GPRC5B: variants seen among roughly 807,000 people sequenced by gnomAD.
GPRC5B encodes G protein-coupled receptor family C group 5 member B.
GPRC5B carries 16 observed loss-of-function variants against 30.1 expected under a neutral mutation model. The ratio of observed to expected loss-of-function variants is 0.53; its 90% confidence interval spans 0.36 to 0.81. The LOEUF is 0.81. GPRC5B is among the 30% of genes least tolerant of loss of function. The probability of loss-of-function intolerance (pLI) is 0.01; values close to 1 mark genes in which losing one functional copy is unlikely to be tolerated. For synonymous variants in GPRC5B, 241 were observed against 239.5 expected, an observed-to-expected ratio of 1.01 and a Z score of -0.06; for missense variants, 428 against 544.7, an observed-to-expected ratio of 0.79 and a Z score of 2.13.
upstream of GPRC5B, chr16:19,884,964 C>A: frequency 1.3e-6 from 1 of 794,284 alleles, no homozygotes; most frequent in Non-Finnish European, 1.5e-6. Flanking sequence ...GGCCTCCGAG[C>A]CCCACCCCCG....
At chr16:19,882,132 C>A (rs1206325400) in intron 1 of GPRC5B, 1 of 152,256 alleles carries the variant, frequency 6.6e-6, no homozygotes, top group African/African-American at 2.4e-5. Flanking sequence ...CAATTCTCAC[C>A]CTCTGATATC....
In GPRC5B at chr16:19,858,572, G is replaced by GT. The variant is rs992411736; in HGVS notation, c.*1927dup. On this transcript the variant is annotated 3_prime_UTR_variant, in exon 4 of 4. Transcript: ENST00000300571. ...TGGCACGAGAATGTGTAATGCTGTC[G>GT]TTTTTTCACCGGACAGGACCGAGGT... 55 of 671,734 alleles carry GT rather than the reference G, an allele frequency of 8.2e-5. No individual in the cohort carries two copies. In the Admixed American group the frequency reaches 1.1e-3, roughly 14 times the overall value. The allele number at this position is 671,734 out of a possible 1,614,324, so 41.6% of individuals were successfully genotyped here.
In GPRC5B at chr16:19,872,105, C is replaced by G. The variant is rs1269959102; in HGVS notation, c.741G>C (p.Trp247Cys). 1 of 1,613,982 alleles carries G rather than the reference C, an allele frequency of 6.2e-7. No homozygotes were observed. Among genetic ancestry groups the G allele is most frequent in the African/African-American group, 1.3e-5 (1 of 74,904 alleles). The change falls in exon 2 of 4, where the codon TGG (tryptophan) becomes TGC (cysteine). Residue 247 changes from tryptophan to cysteine, a missense_variant. By Grantham distance (215) the Trp-to-Cys change is radical. Transcript: ENST00000300571. This position sits in a 1 kb window ranked among gnomAD's most constrained non-coding sequence, Gnocchi z 5.0. Reference protein sequence around the residue: ...LITAFLSVLIWVAWMTMYLFG... With the variant: ...LITAFLSVLICVAWMTMYLFG... ...AGAGGTACATGGTCATCCAGGCCAC[C>G]CAGATGAGCACAGAGAGGAAGGCTG...
intron 2 of GPRC5B, among the ~76,000 whole-genome samples, chr16:19,862,595 A>C (rs1455553971): frequency 6.6e-6 from 1 of 152,150 alleles, no homozygotes; most frequent in Non-Finnish European, 1.5e-5. Context: ...ATGAAAAGAC[A>C]TGGAGGAATC....
intron 2 of GPRC5B, among the ~76,000 whole-genome samples, chr16:19,864,247 T>C (rs566835359): frequency 3.9e-5 from 6 of 152,344 alleles, no homozygotes; most frequent in African/African-American, 1.2e-4. Context: ...CGGGGCCTTC[T>C]AGCAAGAAGC....
chr16:19,871,278 T>C, intron 2 of GPRC5B, among the ~76,000 whole-genome samples: 2 of 41,328 alleles, frequency 4.8e-5, no homozygotes, highest in Admixed American at 2.1e-4. Context: ...CAAGACCCTG[T>C]CTCAAAAAAA....
chr16:19,868,837 A>G (rs555546893), intron 2 of GPRC5B, among the ~76,000 whole-genome samples: 2 of 152,172 alleles, frequency 1.3e-5, no homozygotes, highest in Admixed American at 1.3e-4. Flanking sequence ...CTTGGATAGG[A>G]TAAGCAGCTG....
In GPRC5B at chr16:19,858,143, G is replaced by A. The variant is rs1198163950; in HGVS notation, c.*2357C>T. On this transcript the variant is annotated 3_prime_UTR_variant, in exon 4 of 4. Coordinates refer to ENST00000300571, the MANE Select transcript of GPRC5B (RefSeq NM_016235.3). ...CCACGGGGGGCAGCTGGCTGCTACA[G>A]TCTCTTGGCAAAGATGTCTCTTGAT... The A allele has an allele frequency of 4.8e-6, 1 of 207,552 alleles. No individual in the cohort carries two copies. The highest frequency in any genetic ancestry group is 1.8e-4 in the South Asian group (1 of 5,414). The allele number at this position is 207,552 out of a possible 1,614,324, so 12.9% of individuals were successfully genotyped here.
rs1408164548 is a variant in GPRC5B, at chr16:19,858,402, T to C, written c.*2098A>G. The stretch of plus-strand genomic sequence containing the variant: ...TTCTTATGCTGGGGAAGCACGACTT[T>C]CCATGGCAGCCATTTGTGCTGTGCT... On this transcript the variant is annotated 3_prime_UTR_variant, in exon 4 of 4. Transcript: ENST00000300571. 2 of 498,672 alleles carry C rather than the reference T, an allele frequency of 4.0e-6. No individual in the cohort carries two copies. Among genetic ancestry groups the C allele is most frequent in the African/African-American group, 2.0e-5 (1 of 51,132 alleles). The allele number at this position is 498,672 out of a possible 1,614,324, so 30.9% of individuals were successfully genotyped here. A position where few individuals can be genotyped will look rare whatever the true frequency, so the allele number is the denominator to read the frequency against.
In GPRC5B at chr16:19,884,731, C is replaced by G. The variant is rs1337228451; in HGVS notation, c.-6G>C. ...ATCGGCGCAGCTCGCACTTACCGACCCCCGCGGCCCCGCAGCGCCGACGCT... is the reference window on the plus strand; with the variant it reads ...ATCGGCGCAGCTCGCACTTACCGACGCCCGCGGCCCCGCAGCGCCGACGCT... On this transcript the variant is annotated 5_prime_UTR_variant, in exon 1 of 4. Coordinates refer to ENST00000300571, the MANE Select transcript of GPRC5B (RefSeq NM_016235.3). 5 of 985,066 alleles carry G rather than the reference C, an allele frequency of 5.1e-6. No individual in the cohort carries two copies. Among genetic ancestry groups the G allele is most frequent in the Non-Finnish European group, 6.0e-6 (5 of 829,816 alleles). The allele number at this position is 985,066 out of a possible 1,614,324, so 61.0% of individuals were successfully genotyped here.
intron 2 of GPRC5B, chr16:19,862,218 C>G: frequency 2.2e-6 from 1 of 455,914 alleles, no homozygotes; most frequent in Non-Finnish European, 3.9e-6. Flanking sequence ...GAAGGAGGCC[C>G]ATGGTTGGGC....
At chr16:19,870,745 G>T (rs567948721) in intron 2 of GPRC5B, among the ~76,000 whole-genome samples, 11 of 152,304 alleles carry the variant, frequency 7.2e-5, no homozygotes, top group African/African-American at 2.4e-4. Context: ...TGGGTCAGGT[G>T]CAATAGAGAG....
At chr16:19,880,158 T>G (rs2056793182) in intron 1 of GPRC5B, among the ~76,000 whole-genome samples, 1 of 150,452 alleles carries the variant, frequency 6.6e-6, no homozygotes, top group Admixed American at 6.6e-5. Context: ...TAAAATAAAA[T>G]AAATAATAAT....
rs143438202 is a variant in GPRC5B at position 19,866,083 on chromosome 16, C to T, written c.1031-4110G>A. Reference sequence around the variant, plus strand: ...CTGGGATTACAGGCATGCGCCACCACGCCCGGCTAATTTTTTTGTACTTCT... The same window carrying T: ...CTGGGATTACAGGCATGCGCCACCATGCCCGGCTAATTTTTTTGTACTTCT... On this transcript the variant is annotated intron_variant, in intron 2 of 3. Coordinates refer to ENST00000300571, the MANE Select transcript of GPRC5B (RefSeq NM_016235.3). 1.3e-4 allele frequency among the ~76,000 whole-genome samples: 19 copies of T among 151,984 alleles called. No homozygotes were observed. In the South Asian group the frequency reaches 3.8e-3, roughly 30 times the overall value.
chr16:19,860,119 A>C lies in GPRC5B; in HGVS notation c.*381T>G. The C allele has an allele frequency of 5.2e-6, 1 of 192,266 alleles. No homozygotes were observed. Among genetic ancestry groups the C allele is most frequent in the Non-Finnish European group, 1.1e-5 (1 of 94,684 alleles). 11.9% of individuals were successfully genotyped at this position (192,266 alleles called of 1,614,324 possible). Reference sequence around the variant, plus strand: ...GAGGTGATAAGAGTGGGAGCCCCCCACCTCCAACCAACACCAGTCTGGCCC... The same window carrying C: ...GAGGTGATAAGAGTGGGAGCCCCCCCCCTCCAACCAACACCAGTCTGGCCC... On this transcript the variant is annotated 3_prime_UTR_variant, in exon 4 of 4. Transcript: ENST00000300571.
chr16:19,879,625 G>A (rs991119482), intron 1 of GPRC5B, among the ~76,000 whole-genome samples: 2 of 152,038 alleles, frequency 1.3e-5, no homozygotes, highest in African/African-American at 4.8e-5. Flanking sequence ...GCCATACCTT[G>A]GTGTGAACTT....
At position 19,875,550 on chromosome 16, in the gene GPRC5B, A is replaced by G. The variant is rs866536351; in HGVS notation, c.-1-2704T>C. Among the ~76,000 whole-genome samples, 12 of 152,064 alleles carry G rather than the reference A, an allele frequency of 7.9e-5. 1 individual carries two copies. Among genetic ancestry groups the G allele is most frequent in the Admixed American group, 6.6e-5 (1 of 15,254 alleles). On this transcript the variant is annotated intron_variant, in intron 1 of 3. Transcript: ENST00000300571. ...CCCAGCACTTTGGGAGGCTGAGGCA[A>G]GAGGATCACTTGAGGACAGGAGTTT... is the stretch of plus-strand genomic sequence containing the variant.
At chr16:19,876,734 T>G (rs1437957962) in intron 1 of GPRC5B, among the ~76,000 whole-genome samples, 1 of 152,200 alleles carries the variant, frequency 6.6e-6, no homozygotes, top group East Asian at 1.9e-4. Flanking sequence ...CTCTCTGACA[T>G]GGGAAATAGA....
intron 1 of GPRC5B, among the ~76,000 whole-genome samples, chr16:19,884,088 C>A (rs1042199884): frequency 1.3e-5 from 2 of 148,168 alleles, no homozygotes; most frequent in Admixed American, 6.7e-5. Context: ...CCACTGCCCC[C>A]CCCGCCATTG....
Sources: allele counts gnomAD v4.1 joint callset (sites outside exome capture counted in the v4.1 genomes callset), GRCh38; gene constraint gnomAD v4.1.1; non-coding constraint Gnocchi (gnomAD v3.1); transcripts MANE v1.5; gene names NCBI Gene and HGNC (gene_info 2026-07-23, HGNC 2026-07-21).